Variants in PCCA observed in about 807,000 individuals in gnomAD.
The protein encoded by PCCA is propionyl-CoA carboxylase subunit alpha.
In PCCA, 74 loss-of-function variants were observed where a neutral mutation model predicts 101.3. The observed-to-expected ratio is 0.73, with a 90% confidence interval of 0.61 to 0.89. PCCA has a LOEUF of 0.89. Among genes scored for constraint, PCCA ranks in the 40% least tolerant of loss-of-function variants. The pLI is 0.00. For missense variants in PCCA, 891 were observed against 907.0 expected, an observed-to-expected ratio of 0.98 and a Z score of 0.23; for synonymous variants, 294 against 313.6, an observed-to-expected ratio of 0.94 and a Z score of 0.66.
chr13:100,251,914 C>A (rs2152548014), intron 8 of PCCA, among the ~76,000 whole-genome samples: 1 of 152,280 alleles, frequency 6.6e-6, no homozygotes, highest in African/African-American at 2.4e-5. Flanking sequence ...CTGGGTTCTT[C>A]AGAAATATCA....
chr13:100,444,546 C>A (rs1333850528), intron 20 of PCCA, among the ~76,000 whole-genome samples: 1 of 141,750 alleles, frequency 7.1e-6, no homozygotes, highest in African/African-American at 2.6e-5. Flanking sequence ...GGGTTCACGC[C>A]ATTCTCCTGC....
At chr13:100,517,156 C>T (rs1336026291) in intron 22 of PCCA, among the ~76,000 whole-genome samples, 1 of 139,904 alleles carries the variant, frequency 7.1e-6, no homozygotes, top group Non-Finnish European at 1.6e-5. Context: ...GGAGGGAGGG[C>T]GGGCAGGGAT....
In PCCA at chr13:100,422,132, TTTC is replaced by T. The variant is rs1231619337; in HGVS notation, c.1747-3498_1747-3496del. Reference sequence around the variant, plus strand: ...TTTCTTTCTTTCTTTTCTTTCTTTCTTTCTTTTTTTTTTTTTTTTTGACAGCAT... The same window carrying T: ...TTTCTTTCTTTCTTTTCTTTCTTTCTTTTTTTTTTTTTTTTTTGACAGCAT... On this transcript the variant is annotated intron_variant, in intron 19 of 23. Transcript: ENST00000376285. Among the ~76,000 whole-genome samples the T allele has an allele frequency of 1.8e-4, 24 of 132,826 alleles. 1 individual carries two copies. The highest frequency in any genetic ancestry group is 7.3e-4 in the African/African-American group (21 of 28,690). 87.1% of individuals were successfully genotyped at this position (132,826 alleles called of 152,430 possible).
intron 6 of PCCA, among the ~76,000 whole-genome samples, chr13:100,162,387 T>C (rs143537173): frequency 0.015 from 2,158 of 147,362 alleles, 27 homozygotes; most frequent in Non-Finnish European, 0.024. Context: ...AAATGCCTTG[T>C]CCAGTGTCAC....
intron 16 of PCCA, among the ~76,000 whole-genome samples, chr13:100,314,051 T>TC (rs2067139307): frequency 6.6e-6 from 1 of 151,798 alleles, no homozygotes; most frequent in Non-Finnish European, 1.5e-5. Flanking sequence ...TTCAGGAGAG[T>TC]CCACGGTAGT....
intron 6 of PCCA, among the ~76,000 whole-genome samples, chr13:100,185,725 G>A (rs559316722): frequency 4.6e-5 from 7 of 150,636 alleles, no homozygotes; most frequent in Non-Finnish European, 7.4e-5. Context: ...TCGGCTCACC[G>A]CAGCCTCCAC....
intron 20 of PCCA, among the ~76,000 whole-genome samples, chr13:100,441,378 T>G (rs2080353641): frequency 6.6e-6 from 1 of 152,260 alleles, no homozygotes; most frequent in Non-Finnish European, 1.5e-5. Flanking sequence ...TTCTTCCTCT[T>G]ACTGTTCAGT....
intron 6 of PCCA, among the ~76,000 whole-genome samples, chr13:100,172,060 G>A (rs982462035): frequency 6.6e-6 from 1 of 151,756 alleles, no homozygotes. Flanking sequence ...TATTAGCTGG[G>A]TGTGTTGGCA....
At chr13:100,146,565 ACT>A (rs1041318964) in intron 4 of PCCA, among the ~76,000 whole-genome samples, 14 of 148,776 alleles carry the variant, frequency 9.4e-5, no homozygotes, top group Admixed American at 1.3e-4. Flanking sequence ...ACAGAGTGAG[ACT>A]CTGTCTCAAA....
intron 20 of PCCA, among the ~76,000 whole-genome samples, chr13:100,440,470 A>G (rs1222969334): frequency 1.3e-5 from 2 of 151,530 alleles, no homozygotes. Context: ...AGTTTTTTTT[A>G]GATTAAAATA....
At chr13:100,472,302 G>A (rs987639281) in intron 21 of PCCA, among the ~76,000 whole-genome samples, 3 of 151,910 alleles carry the variant, frequency 2.0e-5, no homozygotes, top group Non-Finnish European at 2.9e-5. Context: ...GAGGTTCTCC[G>A]GGGACCCTCC....
intron 12 of PCCA, among the ~76,000 whole-genome samples, chr13:100,275,936 A>G (rs572729717): frequency 4.6e-5 from 7 of 152,112 alleles, no homozygotes; most frequent in Admixed American, 1.3e-4. Context: ...TATTTTAGTC[A>G]TCATTCATTC....
At chr13:100,432,076 G>A (rs1567126889) in intron 20 of PCCA, among the ~76,000 whole-genome samples, 2 of 151,774 alleles carry the variant, frequency 1.3e-5, no homozygotes, top group East Asian at 3.9e-4. Flanking sequence ...GTGCACACCT[G>A]CAGTCCCAGC....
At chr13:100,234,957 ATTATCT>A (rs2060704443) in intron 7 of PCCA, among the ~76,000 whole-genome samples, 1 of 151,856 alleles carries the variant, frequency 6.6e-6, no homozygotes, top group Non-Finnish European at 1.5e-5. Context: ...AGATTTCAAC[ATTATCT>A]TTATTGTTAT....
intron 12 of PCCA, among the ~76,000 whole-genome samples, chr13:100,285,410 C>G (rs182430570): frequency 1.3e-5 from 2 of 152,160 alleles, no homozygotes; most frequent in Non-Finnish European, 2.9e-5. Context: ...TACTCAGACT[C>G]GTGGGACAAC....
intron 18 of PCCA, among the ~76,000 whole-genome samples, chr13:100,352,985 G>T (rs1482843630): frequency 3.3e-5 from 5 of 152,204 alleles, no homozygotes; most frequent in Non-Finnish European, 1.5e-5. Flanking sequence ...CCAAGTAGCT[G>T]GGATTACAGG....
intron 15 of PCCA, among the ~76,000 whole-genome samples, chr13:100,308,702 CTATGTAAAAA>C (rs1330824209): frequency 6.6e-6 from 1 of 152,072 alleles, no homozygotes; most frequent in Non-Finnish European, 1.5e-5. Flanking sequence ...AAAAATAAAA[CTATGTAAAAA>C]TATTATACGT....
At chr13:100,164,933 A>T (rs553042997) in intron 6 of PCCA, among the ~76,000 whole-genome samples, 1 of 152,308 alleles carries the variant, frequency 6.6e-6, no homozygotes, top group South Asian at 2.1e-4. Context: ...CATAAGTGGA[A>T]TCATATAAGA....
At chr13:100,413,782 A>G (rs1457066717) in intron 19 of PCCA, among the ~76,000 whole-genome samples, 2 of 152,128 alleles carry the variant, frequency 1.3e-5, no homozygotes. Flanking sequence ...CTGCATAGAA[A>G]CACAGGATTC....
Sources: gnomAD v4.1 joint callset for allele counts (sites outside exome capture counted in the v4.1 genomes callset) on GRCh38, gnomAD v4.1.1 for gene constraint, MANE v1.5 for transcripts, NCBI Gene and HGNC (gene_info 2026-07-23, HGNC 2026-07-21) for gene names.